Variants in CAMTA1 observed in about 807,000 individuals in gnomAD.
The protein encoded by CAMTA1 is calmodulin-binding transcription activator 1.
In CAMTA1, 27 loss-of-function variants were observed where a neutral mutation model predicts 170.9. The ratio of observed to expected loss-of-function variants is 0.16; its 90% CI spans 0.12 to 0.22. CAMTA1 has a LOEUF of 0.22. Ranked by LOEUF, CAMTA1 falls within the 10% of genes least tolerant of loss-of-function variation. The pLI is 1.00. For synonymous variants in CAMTA1, 833 were observed against 891.5 expected, an observed-to-expected ratio of 0.93 and a Z score of 1.17; for missense variants, 1,619 against 2,217.2, an observed-to-expected ratio of 0.73 and a Z score of 5.42.
rs142538147 is a variant in CAMTA1 at position 7,769,559 on chromosome 1, G to C, written c.*3068G>C. ...TTATTTTTGTAATTGTGCATGTAAA[G>C]CATCATTGAATCAATGGATCTGTTG... On this transcript the variant is annotated 3_prime_UTR_variant, in exon 23 of 23. Transcript: ENST00000303635. The C allele has an allele frequency of 1.3e-5, 2 of 152,754 alleles. No individual in the cohort carries two copies. The highest frequency in any genetic ancestry group is 2.9e-5 in the Non-Finnish European group (2 of 68,042). 9.5% of individuals were successfully genotyped at this position (152,754 alleles called of 1,614,324 possible). A position where few individuals can be genotyped will look rare whatever the true frequency, so the allele number is the denominator to read the frequency against.
intron 3 of CAMTA1, among the ~76,000 whole-genome samples, chr1:7,005,581 C>T (rs1227727031): frequency 6.6e-6 from 1 of 152,138 alleles, no homozygotes; most frequent in Non-Finnish European, 1.5e-5. Flanking sequence ...TTGCCTTCAC[C>T]ATCTATCTTC....
At chr1:7,023,985 C>T (rs375678537) in intron 3 of CAMTA1, among the ~76,000 whole-genome samples, 57 of 146,092 alleles carry the variant, frequency 3.9e-4, no homozygotes, top group African/African-American at 1.4e-3. Flanking sequence ...GCCAAGATTG[C>T]GCCACGGCAC....
At chr1:7,412,241 C>T (rs558947796) in intron 5 of CAMTA1, among the ~76,000 whole-genome samples, 4 of 152,100 alleles carry the variant, frequency 2.6e-5, no homozygotes, top group African/African-American at 9.6e-5. Context: ...GTCTTTATAG[C>T]AGCATGATTT....
intron 6 of CAMTA1, among the ~76,000 whole-genome samples, chr1:7,507,459 T>C (rs1453060518): frequency 1.3e-5 from 2 of 152,226 alleles, no homozygotes; most frequent in Non-Finnish European, 2.9e-5. Flanking sequence ...GCTCTTGGCC[T>C]CACTTCCTTT....
At chr1:6,832,576 A>G (rs1014757089) in intron 3 of CAMTA1, among the ~76,000 whole-genome samples, 3 of 152,150 alleles carry the variant, frequency 2.0e-5, no homozygotes, top group Non-Finnish European at 4.4e-5. Context: ...GGGATCATTT[A>G]AGACTCTTCA....
At chr1:6,881,398 C>T (rs948617306) in intron 3 of CAMTA1, among the ~76,000 whole-genome samples, 2 of 152,114 alleles carry the variant, frequency 1.3e-5, no homozygotes, top group African/African-American at 4.8e-5. Flanking sequence ...ACCGTGACCA[C>T]GTAGGTGTCT....
At position 6,805,653 on chromosome 1, in the gene CAMTA1, G is replaced by T. The variant is rs79019091; in HGVS notation, c.46-14528G>T. ...CCTGAGCAGCTGGGACTTCAGGGGG[G>T]CACCACTGGTCTGGCTAATTTAGAA... On this transcript the variant is annotated intron_variant, in intron 1 of 22. Transcript: ENST00000303635. 5.7e-3 allele frequency among the ~76,000 whole-genome samples: 866 copies of T among 152,224 alleles called. 4 individuals are homozygous for T. The highest frequency in any genetic ancestry group is 8.2e-3 in the Non-Finnish European group (559 of 68,008).
At chr1:6,975,577 G>T (rs916562426) in intron 3 of CAMTA1, among the ~76,000 whole-genome samples, 2 of 152,164 alleles carry the variant, frequency 1.3e-5, no homozygotes, top group African/African-American at 4.8e-5. Context: ...AGTTGTTCAA[G>T]CTGATGGGGA....
At chr1:6,799,275 C>G (rs1460155185) in intron 1 of CAMTA1, among the ~76,000 whole-genome samples, 1 of 152,066 alleles carries the variant, frequency 6.6e-6, no homozygotes, top group Non-Finnish European at 1.5e-5. Context: ...TGCTATGTTG[C>G]GCAGGCTTGT....
chr1:7,360,008 C>T (rs1411625066), intron 5 of CAMTA1, among the ~76,000 whole-genome samples: 2 of 152,180 alleles, frequency 1.3e-5, no homozygotes, highest in African/African-American at 4.8e-5. Flanking sequence ...TCTCCCCTGG[C>T]TGCTGGCATG....
At chr1:7,538,351 A>G (rs2094571817) in intron 6 of CAMTA1, among the ~76,000 whole-genome samples, 1 of 146,236 alleles carries the variant, frequency 6.8e-6, no homozygotes, top group African/African-American at 2.7e-5. Context: ...GGAGTTATGT[A>G]TTCTTTTCAT....
chr1:7,362,811 C>T (rs889939192), intron 5 of CAMTA1, among the ~76,000 whole-genome samples: 2 of 151,382 alleles, frequency 1.3e-5, no homozygotes, highest in African/African-American at 4.9e-5. Context: ...ACTGAGTAGA[C>T]TTCTGTGGAG....
rs1008844897 is a variant in CAMTA1, at chr1:7,308,596, G to T, written c.438+58970G>T. ...TATTTTCTAATTTTTTTGACCTATG[G>T]GCTATTTAGAGAGTTTTCAATTTTC... On this transcript the variant is annotated intron_variant, in intron 5 of 22. Coordinates refer to ENST00000303635, the MANE Select transcript of CAMTA1 (RefSeq NM_015215.4). Among the ~76,000 whole-genome samples, 5 of 151,794 alleles carry T rather than the reference G, an allele frequency of 3.3e-5. No individual in the cohort carries two copies. The South Asian group carries it at 8.3e-4, about 25-fold the overall frequency.
At chr1:7,627,326 A>C (rs1314855442) in intron 6 of CAMTA1, among the ~76,000 whole-genome samples, 2 of 152,192 alleles carry the variant, frequency 1.3e-5, no homozygotes, top group African/African-American at 2.4e-5. Context: ...ACGCTTCCCA[A>C]ATAAGCAATA....
chr1:7,223,150 C>T (rs1285094302), intron 4 of CAMTA1, among the ~76,000 whole-genome samples: 1 of 35,544 alleles, frequency 2.8e-5, no homozygotes, highest in African/African-American at 1.6e-4. Flanking sequence ...TGTTGATCCA[C>T]CCACCCACCC....
chr1:7,028,615 T>G (rs1702336483), intron 3 of CAMTA1, among the ~76,000 whole-genome samples: 1 of 152,220 alleles, frequency 6.6e-6, no homozygotes, highest in African/African-American at 2.4e-5. Flanking sequence ...TTGGCTGCCA[T>G]GCCCCACTCT....
At chr1:7,453,651 G>C (rs1220892311) in intron 5 of CAMTA1, among the ~76,000 whole-genome samples, 4 of 152,346 alleles carry the variant, frequency 2.6e-5, no homozygotes, top group African/African-American at 9.6e-5. Flanking sequence ...CACAAAGGTG[G>C]TACTGGCCAT....
intron 4 of CAMTA1, among the ~76,000 whole-genome samples, chr1:7,196,250 C>T (rs925539869): frequency 6.6e-6 from 1 of 152,106 alleles, no homozygotes; most frequent in Non-Finnish European, 1.5e-5. Context: ...GCTTGCTTCC[C>T]CTTTGCCTTC....
At chr1:7,628,605 G>T (rs1367802744) in intron 6 of CAMTA1, among the ~76,000 whole-genome samples, 8 of 152,368 alleles carry the variant, frequency 5.3e-5, no homozygotes, top group South Asian at 2.1e-4. Context: ...GGCAGGAAAG[G>T]CTACAGAGCA....
Sources: gnomAD v4.1 joint callset for allele counts (sites outside exome capture counted in the v4.1 genomes callset) on GRCh38, gnomAD v4.1.1 for gene constraint, MANE v1.5 for transcripts, NCBI Gene and HGNC (gene_info 2026-07-23, HGNC 2026-07-21) for gene names.